The following RARB variants were observed in gnomAD, a reference collection of about 807,000 sequenced individuals.
The protein encoded by RARB is HBV-activated protein.
In RARB, 17 loss-of-function variants were observed where a neutral mutation model predicts 51.9. The ratio of observed to expected loss-of-function variants is 0.33; its 90% CI spans 0.22 to 0.49. RARB has a LOEUF of 0.49. Among genes scored for constraint, RARB ranks in the 20% least tolerant of loss-of-function variants. The pLI is 0.99. For synonymous variants in RARB, 215 were observed against 195.4 expected (o/e 1.10, Z -0.84); for missense variants, 369 against 550.8 (o/e 0.67, Z 3.30).
intron 2 of RARB, among the ~76,000 whole-genome samples, chr3:24,927,527 C>A (rs530685222): frequency 6.6e-6 from 1 of 152,058 alleles, no homozygotes; most frequent in South Asian, 2.1e-4. Context: ...ATTATCAGGC[C>A]TTAAAAATTT....
intron 5 of RARB, among the ~76,000 whole-genome samples, chr3:25,230,492 G>A (rs1404646686): frequency 1.3e-5 from 2 of 152,020 alleles, no homozygotes; most frequent in Non-Finnish European, 1.5e-5. Flanking sequence ...CCTTGGAATA[G>A]AGTATTTCAA....
intron 5 of RARB, among the ~76,000 whole-genome samples, chr3:25,399,551 G>A (rs1361287839): frequency 6.6e-6 from 1 of 152,128 alleles, no homozygotes; most frequent in Non-Finnish European, 1.5e-5. Context: ...CAGCCAGTTT[G>A]CAAACATGAA....
At chr3:25,019,376 G>C (rs73036571) in intron 2 of RARB, among the ~76,000 whole-genome samples, 13,466 of 152,196 alleles carry the variant, frequency 0.088, 771 homozygotes, top group Non-Finnish European at 0.13. Context: ...ATAGACAAAG[G>C]GTAGCATGGA....
At chr3:25,410,874 G>C (rs1707543993) in intron 5 of RARB, among the ~76,000 whole-genome samples, 1 of 152,212 alleles carries the variant, frequency 6.6e-6, no homozygotes, top group Admixed American at 6.5e-5. Context: ...GCTCTGCAGA[G>C]AGCCACTTGC....
At chr3:25,094,455 A>T (rs1699256870) in intron 3 of RARB, among the ~76,000 whole-genome samples, 1 of 152,100 alleles carries the variant, frequency 6.6e-6, no homozygotes, top group South Asian at 2.1e-4. Flanking sequence ...AGTAGCTCAC[A>T]CCTGTAATCT....
intron 3 of RARB, among the ~76,000 whole-genome samples, chr3:25,556,746 G>A (rs1036408640): frequency 2.6e-5 from 4 of 152,182 alleles, no homozygotes; most frequent in Admixed American, 6.5e-5. Context: ...CCAGCACCCC[G>A]AAGGGCTGGG....
intron 5 of RARB, among the ~76,000 whole-genome samples, chr3:25,187,211 C>A (rs1423198877): frequency 6.6e-6 from 1 of 152,052 alleles, no homozygotes; most frequent in African/African-American, 2.4e-5. Flanking sequence ...TTCTCAAAAA[C>A]CATGCTGCCA....
intron 5 of RARB, among the ~76,000 whole-genome samples, chr3:25,384,425 G>T (rs1706733581): frequency 1.3e-5 from 2 of 152,164 alleles, no homozygotes; most frequent in Admixed American, 1.3e-4. Flanking sequence ...TCTATATTGG[G>T]CAAAAGGCTT....
At chr3:25,145,852 A>T (rs1458921513) in intron 4 of RARB, among the ~76,000 whole-genome samples, 1 of 150,594 alleles carries the variant, frequency 6.6e-6, no homozygotes, top group African/African-American at 2.4e-5. Context: ...AAAAAAAAAT[A>T]TTAACCAGGC....
intron 5 of RARB, among the ~76,000 whole-genome samples, chr3:25,311,824 C>A (rs549492297): frequency 6.6e-6 from 1 of 152,090 alleles, no homozygotes; most frequent in Non-Finnish European, 1.5e-5. Context: ...CACAAACTCT[C>A]AAAAAACACA....
At position 25,459,213 on chromosome 3, in the gene RARB, A is replaced by G. The variant is rs796901492; in HGVS notation, c.158-1980A>G. On this transcript the variant is annotated intron_variant, in intron 1 of 7. Transcript: ENST00000330688. ...TGAGAGAAATCATCTCTGGGAAGGT[A>G]GCATTTGCTTTGTGATCTAAGAAAC... 4.6e-5 allele frequency among the ~76,000 whole-genome samples: 7 copies of G among 152,368 alleles called. 1 individual carries two copies. The highest frequency in any genetic ancestry group is 1.7e-4 in the African/African-American group (7 of 41,594).
intron 5 of RARB, among the ~76,000 whole-genome samples, chr3:25,202,363 T>C (rs1701416397): frequency 6.6e-6 from 1 of 152,144 alleles, no homozygotes; most frequent in Non-Finnish European, 1.5e-5. Flanking sequence ...CTATCCATTT[T>C]GTTGATCTTT....
chr3:25,184,027 G>T (rs1391952335), intron 5 of RARB, among the ~76,000 whole-genome samples: 1 of 152,020 alleles, frequency 6.6e-6, no homozygotes, highest in Non-Finnish European at 1.5e-5. Context: ...AAGGATTCTG[G>T]CCCTAACTAA....
intron 2 of RARB, among the ~76,000 whole-genome samples, chr3:24,897,457 A>G (rs555516415): frequency 6.6e-6 from 1 of 152,288 alleles, no homozygotes; most frequent in East Asian, 1.9e-4. Flanking sequence ...TCTCACCTCT[A>G]TTTTAATAAA....
At chr3:25,018,526 A>G (rs906684237) in intron 2 of RARB, among the ~76,000 whole-genome samples, 3 of 152,202 alleles carry the variant, frequency 2.0e-5, no homozygotes, top group Non-Finnish European at 4.4e-5. Flanking sequence ...TCTTTATTAA[A>G]GGTGTTTCTC....
intron 2 of RARB, among the ~76,000 whole-genome samples, chr3:24,992,456 A>T (rs192746497): frequency 3.9e-5 from 6 of 152,300 alleles, no homozygotes; most frequent in African/African-American, 1.4e-4. Context: ...ATAAAACCAG[A>T]GAAAATTTGG....
At chr3:24,986,651 C>A (rs554915728) in intron 2 of RARB, among the ~76,000 whole-genome samples, 1 of 152,250 alleles carries the variant, frequency 6.6e-6, no homozygotes, top group South Asian at 2.1e-4. Flanking sequence ...GATCATTAAA[C>A]AAGAGAATAA....
chr3:25,405,365 A>T (rs2125497188), intron 5 of RARB, among the ~76,000 whole-genome samples: 1 of 152,314 alleles, frequency 6.6e-6, no homozygotes, highest in African/African-American at 2.4e-5. Context: ...TTTAACAAAC[A>T]AACAACTACT....
chr3:24,940,630 T>C (rs73051260), intron 2 of RARB, among the ~76,000 whole-genome samples: 9 of 152,272 alleles, frequency 5.9e-5, no homozygotes, highest in South Asian at 2.1e-4. Context: ...CTGGACCAAA[T>C]TGAGTTCCTG....
Sources: allele counts gnomAD v4.1 joint callset (sites outside exome capture counted in the v4.1 genomes callset), GRCh38; gene constraint gnomAD v4.1.1; transcripts MANE v1.5; gene names NCBI Gene and HGNC (gene_info 2026-07-23, HGNC 2026-07-21).